Variants in DMXL2 observed in about 807,000 individuals in gnomAD.
DMXL2 encodes the protein dmX-like protein 2.
Under a neutral mutation model 331.1 loss-of-function variants are expected in DMXL2, and 103 were observed. The observed-to-expected ratio is 0.31, with a 90% CI of 0.27 to 0.37. DMXL2 has a LOEUF of 0.37. Among genes scored for constraint, DMXL2 ranks in the 10% least tolerant of loss-of-function variants. DMXL2 has a pLI of 1.00. For synonymous variants in DMXL2, 1,281 were observed against 1,252.1 expected (o/e 1.02, Z -0.49); for missense variants, 3,171 against 3,642.9 (o/e 0.87, Z 3.33).
At chr15:51,604,087 C>T (rs1449451769) in intron 1 of DMXL2, among the ~76,000 whole-genome samples, 1 of 151,928 alleles carries the variant, frequency 6.6e-6, no homozygotes, top group Non-Finnish European at 1.5e-5. Context: ...ACTGGTACTA[C>T]AAGACTGATT....
intron 11 of DMXL2, 45 bp downstream of exon 11, chr15:51,537,443 T>C (rs1340699626): frequency 6.6e-7 from 1 of 1,516,738 alleles, no homozygotes; most frequent in Non-Finnish European, 8.9e-7. Context: ...TATTTCTTTT[T>C]ACTATTTTAA....
chr15:51,562,042 C>G (rs138669713), intron 6 of DMXL2, among the ~76,000 whole-genome samples: 2 of 152,210 alleles, frequency 1.3e-5, no homozygotes, highest in East Asian at 3.9e-4. Flanking sequence ...GGAATAAGTT[C>G]TAGTGTTCAA....
At chr15:51,577,486 C>G (rs1304765259) in intron 1 of DMXL2, among the ~76,000 whole-genome samples, 2 of 152,004 alleles carry the variant, frequency 1.3e-5, no homozygotes, top group East Asian at 1.9e-4. Flanking sequence ...GAATTTCAAG[C>G]AAGAAAAATA....
chr15:51,507,894 TA>T (rs2046505459), intron 15 of DMXL2, among the ~76,000 whole-genome samples: 1 of 151,972 alleles, frequency 6.6e-6, no homozygotes, highest in South Asian at 2.1e-4. Context: ...ATGCATTTTT[TA>T]AAAAAAGACA....
In DMXL2 at chr15:51,487,935, T is replaced by C. The variant is rs2042517905; in HGVS notation, c.5217+19A>G. On this transcript the variant is annotated intron_variant, in intron 22 of 43. Coordinates refer to ENST00000560891, the MANE Select transcript of DMXL2 (RefSeq NM_001378457.1). ...TCAATCTTTTACAAGTATTATATAGTGTGTTTTCTTATTTATACCTCTATG... is the reference window on the plus strand; with the variant it reads ...TCAATCTTTTACAAGTATTATATAGCGTGTTTTCTTATTTATACCTCTATG... 6.3e-7 allele frequency: 1 copy of C among 1,577,854 alleles called. No individual in the cohort carries two copies. The highest frequency in any genetic ancestry group is 8.6e-7 in the Non-Finnish European group (1 of 1,164,974).
At chr15:51,576,203 A>AAAAAAAAAAT in intron 1 of DMXL2, 22 bp from the exon 2 acceptor site, 1 of 1,373,718 alleles carries the variant, frequency 7.3e-7, no homozygotes, top group Non-Finnish European at 9.7e-7. Flanking sequence ...AAAAAAAAAA[A>AAAAAAAAAAT]GTTTTACAAT....
chr15:51,553,841 T>C (rs1480601127), intron 6 of DMXL2, among the ~76,000 whole-genome samples: 2 of 151,126 alleles, frequency 1.3e-5, no homozygotes, highest in African/African-American at 2.4e-5. Flanking sequence ...CAAAATGTGT[T>C]AATTTATTGT....
Position 51,536,784 on chromosome 15 carries a change from C to T in DMXL2, c.1696G>A (p.Ala566Thr). Residue 566 changes from alanine to threonine, a missense_variant, in exon 12 of 44, where the codon GCC becomes ACC. Ala to Thr is a moderately conservative substitution (Grantham distance 58). Transcript: ENST00000560891. ...SSLSKNIMMYACINATKDSHH... is the reference protein window; with the variant it reads ...SSLSKNIMMYTCINATKDSHH... ...GAATCTTTTGTCGCATTTATACAGG[C>T]ATACATCATGATATTTTTACTAAGA... The T allele has an allele frequency of 6.2e-7, 1 of 1,613,926 alleles. No homozygotes were observed.
intron 8 of DMXL2, among the ~76,000 whole-genome samples, chr15:51,543,704 C>G (rs1208882881): frequency 1.3e-5 from 2 of 152,074 alleles, no homozygotes; most frequent in Non-Finnish European, 2.9e-5. Context: ...AGCCAAGTGG[C>G]TCGTAAGTCA....
At chr15:51,609,419 T>TCTA (rs1483977196) in intron 1 of DMXL2, among the ~76,000 whole-genome samples, 1 of 152,208 alleles carries the variant, frequency 6.6e-6, no homozygotes, top group African/African-American at 2.4e-5. Flanking sequence ...ACGGACCCGG[T>TCTA]CTACAATGGA....
chr15:51,622,496 C>A lies in DMXL2; in HGVS notation c.50G>T (p.Cys17Phe). The change falls in exon 1 of 44, where the codon TGC (cysteine) becomes TTC (phenylalanine). Residue 17 changes from cysteine (C) to phenylalanine (F), a missense_variant. Physicochemically the swap from Cys to Phe is radical, Grantham distance 205 (BLOSUM62 -2). Around this residue, in one of 7 missense-constraint regions of DMXL2, gnomAD observed 1,674 missense variants for 1,780.2 expected, o/e 0.94. Transcript: ENST00000560891. Reference sequence around the variant, plus strand: ...ATCCCCGACGCTGCCCACGGAGTAGCAGTTGTCTCCAGGGTTGACAGCTCC... The same window carrying A: ...ATCCCCGACGCTGCCCACGGAGTAGAAGTTGTCTCCAGGGTTGACAGCTCC... ...LTGAVNPGDN[C>F]YSVGSVGDVP... 1 of 1,569,834 alleles carries A rather than the reference C, an allele frequency of 6.4e-7. No individual in the cohort carries two copies. Among genetic ancestry groups the A allele is most frequent in the Non-Finnish European group, 8.6e-7 (1 of 1,156,940 alleles).
chr15:51,509,305 C>A (rs1255603543), intron 15 of DMXL2, among the ~76,000 whole-genome samples: 1 of 151,592 alleles, frequency 6.6e-6, no homozygotes, highest in Non-Finnish European at 1.5e-5. Context: ...AATAGATAGA[C>A]TACTTGCCAA....
chr15:51,538,413 T>A lies in DMXL2; in HGVS notation c.1145A>T (p.Asp382Val), dbSNP rs2048400486. The change falls in exon 10 of 44, where the codon GAT becomes GTT. Residue 382 changes from aspartate to valine, a missense_variant. By Grantham distance (152) the Asp-to-Val change is radical. Coordinates refer to ENST00000560891, the MANE Select transcript of DMXL2 (RefSeq NM_001378457.1). ...NVLVGTAFNVDDGNGGFVVHW... is the reference protein window; with the variant it reads ...NVLVGTAFNVVDGNGGFVVHW... Reference sequence around the variant, plus strand: ...AACTACAAAGCCCCCATTTCCATCATCAACATTAAATGCAGTGCCAACCAA... The same window carrying A: ...AACTACAAAGCCCCCATTTCCATCAACAACATTAAATGCAGTGCCAACCAA... 1 of 1,612,638 alleles carries A rather than the reference T, an allele frequency of 6.2e-7. No homozygotes were observed. Among genetic ancestry groups the A allele is most frequent in the Non-Finnish European group, 8.5e-7 (1 of 1,178,830 alleles).
rs1424664443 is a variant in DMXL2, at chr15:51,502,792, T to A, written c.2992+14A>T. On this transcript the variant is annotated intron_variant, in intron 17 of 43. Coordinates refer to ENST00000560891, the MANE Select transcript of DMXL2 (RefSeq NM_001378457.1). ...ACTCTGAGCTACCACTGCCCAGTCT[T>A]AAAGTGACCTTACCTGCTGAAGGCG... 6.2e-7 allele frequency: 1 copy of A among 1,600,232 alleles called. No individual in the cohort carries two copies. The highest frequency in any genetic ancestry group is 8.6e-7 in the Non-Finnish European group (1 of 1,167,504).
At chr15:51,461,173 G>A (rs2040077606) in intron 33 of DMXL2, among the ~76,000 whole-genome samples, 1 of 152,158 alleles carries the variant, frequency 6.6e-6, no homozygotes, top group South Asian at 2.1e-4. Context: ...AGCACTTTAA[G>A]AAACATTCCG....
chr15:51,556,372 A>G (rs2049588274), intron 6 of DMXL2, among the ~76,000 whole-genome samples: 1 of 130,146 alleles, frequency 7.7e-6, no homozygotes, highest in Non-Finnish European at 1.7e-5. Context: ...AAAAAAAAAA[A>G]GATCAGCAGA....
intron 28 of DMXL2, among the ~76,000 whole-genome samples, chr15:51,472,353 ATTTC>A (rs2041196630): frequency 6.6e-6 from 1 of 152,182 alleles, no homozygotes; most frequent in Non-Finnish European, 1.5e-5. Flanking sequence ...AACCACTATT[ATTTC>A]TTTTTAATTG....
intron 19 of DMXL2, among the ~76,000 whole-genome samples, chr15:51,493,930 G>T (rs538090235): frequency 5.9e-5 from 9 of 152,060 alleles, no homozygotes; most frequent in Admixed American, 5.9e-4. Context: ...ATAATTTTTT[G>T]TTTTCAATTT....
rs1411858224 is a variant in DMXL2 at position 51,535,619 on chromosome 15, C to A, written c.2436+44G>T. 4.6e-6 allele frequency: 7 copies of A among 1,518,114 alleles called. No homozygotes were observed. In the East Asian group the frequency reaches 9.4e-5, roughly 20 times the overall value. The allele number at this position is 1,518,114 out of a possible 1,614,324, so 94.0% of individuals were successfully genotyped here. A position where few individuals can be genotyped will look rare whatever the true frequency, so the allele number is the denominator to read the frequency against. ...TCCTAGACAAAGTCAAAAGAGAATT[C>A]TTTATCTCCTTAGATAAATTAATAA... is the stretch of plus-strand genomic sequence containing the variant. On this transcript the variant is annotated intron_variant, in intron 13 of 43. Transcript: ENST00000560891.
Sources: allele counts gnomAD v4.1 joint callset (sites outside exome capture counted in the v4.1 genomes callset), GRCh38; gene constraint gnomAD v4.1.1; regional missense constraint gnomAD v4.1.1; transcripts MANE v1.5; gene names NCBI Gene and HGNC (gene_info 2026-07-23, HGNC 2026-07-21).